The following IL12RB2 variants were observed in gnomAD, a reference collection of about 807,000 sequenced individuals.
IL12RB2 encodes interleukin 12 receptor subunit beta 2.
A neutral mutation model predicts 89.4 loss-of-function variants in IL12RB2; 82 were observed. The observed-to-expected ratio is 0.92, with a 90% CI of 0.77 to 1.10. IL12RB2 has a LOEUF of 1.10. IL12RB2 is among the 50% of genes least tolerant of loss of function. IL12RB2 has a pLI of 0.00. For missense variants in IL12RB2, 963 were observed against 1,031.9 expected (o/e 0.93, Z 0.92); for synonymous variants, 368 against 370.1 (o/e 0.99, Z 0.07).
intron 13 of IL12RB2, among the ~76,000 whole-genome samples, chr1:67,374,388 C>G (rs1663712542): frequency 6.6e-6 from 1 of 152,152 alleles, no homozygotes; most frequent in Non-Finnish European, 1.5e-5. Flanking sequence ...ATCTGGAATT[C>G]CTCATGTGAA....
At chr1:67,323,095 G>T (rs1237105207) in intron 4 of IL12RB2, among the ~76,000 whole-genome samples, 1 of 152,188 alleles carries the variant, frequency 6.6e-6, no homozygotes, top group African/African-American at 2.4e-5. Flanking sequence ...AGCTCAATGA[G>T]ACTCTGTCCA....
rs1327590127 is a variant in IL12RB2 at position 67,341,540 on chromosome 1, AAAG to A, written c.1038+2840_1038+2842del. On this transcript the variant is annotated intron_variant, in intron 9 of 16. Coordinates refer to ENST00000674203, the MANE Select transcript of IL12RB2 (RefSeq NM_001374259.2). ...AAAGAAAAAAGAAAGAGAAAGAAAGAAAGAAAGAAAGAAAGAAAGAAAGAAAGA... is the reference window on the plus strand; with the variant it reads ...AAAGAAAAAAGAAAGAGAAAGAAAGAAAAGAAAGAAAGAAAGAAAGAAAGA... Among the ~76,000 whole-genome samples the A allele has an allele frequency of 1.9e-3, 57 of 30,528 alleles. No individual in the cohort carries two copies. The East Asian group carries it at 0.051, about 27-fold the overall frequency. The allele number at this position is 30,528 out of a possible 152,430, so 20.0% of individuals were successfully genotyped here.
intron 6 of IL12RB2, among the ~76,000 whole-genome samples, 158 bp from the exon 7 acceptor site, chr1:67,329,429 T>A (rs923784383): frequency 2.0e-5 from 3 of 152,238 alleles, no homozygotes; most frequent in African/African-American, 7.2e-5. Flanking sequence ...AGTTCTTTCT[T>A]AAAGCCTGGA....
intron 16 of IL12RB2, among the ~76,000 whole-genome samples, chr1:67,394,908 A>G (rs991566615): frequency 2.0e-5 from 3 of 152,188 alleles, no homozygotes; most frequent in Admixed American, 2.0e-4. Context: ...AAGCAGTCTC[A>G]GCCTTTCCTT....
intron 13 of IL12RB2, among the ~76,000 whole-genome samples, chr1:67,378,935 C>T (rs558500986): frequency 2.4e-4 from 36 of 148,890 alleles, no homozygotes; most frequent in African/African-American, 6.2e-4. Context: ...TGGGGGCTCA[C>T]GCCTATAATC....
intron 10 of IL12RB2, among the ~76,000 whole-genome samples, chr1:67,362,572 C>CAAAAA (rs956277979): frequency 7.0e-4 from 30 of 43,108 alleles, no homozygotes; most frequent in South Asian, 2.6e-3. Flanking sequence ...GACTCCGTCT[C>CAAAAA]AAAAAAAAAA....
At chr1:67,381,713 C>T (rs965483804) in intron 14 of IL12RB2, among the ~76,000 whole-genome samples, 2 of 151,316 alleles carry the variant, frequency 1.3e-5, no homozygotes, top group Non-Finnish European at 2.9e-5. Flanking sequence ...TTGCAGTGAG[C>T]CGAGATGGCA....
intron 1 of IL12RB2, among the ~76,000 whole-genome samples, chr1:67,312,938 T>C (rs1655276048): frequency 6.6e-6 from 1 of 152,228 alleles, no homozygotes; most frequent in East Asian, 1.9e-4. Flanking sequence ...GACTATTGAA[T>C]AGAAAGAAGA....
In IL12RB2 at chr1:67,354,283, G is replaced by A. The variant is rs376258067; in HGVS notation, c.1258+3194G>A. Among the ~76,000 whole-genome samples, 7 of 152,266 alleles carry A rather than the reference G, an allele frequency of 4.6e-5. No homozygotes were observed. In the East Asian group the frequency reaches 9.6e-4, roughly 21 times the overall value. ...AGCAGGTGTGCAGGCGTGAGGGTTT[G>A]TTTTAAAGTGAGAGCTGAGCAGGCA... On this transcript the variant is annotated intron_variant, in intron 10 of 16. Coordinates refer to ENST00000674203, the MANE Select transcript of IL12RB2 (RefSeq NM_001374259.2).
Position 67,342,459 on chromosome 1 carries a change from C to T in IL12RB2, c.1038+3756C>T, listed in dbSNP as rs572867620. ...AGAACAACTCCGTGCTGATTGGGTG[C>T]AGCCCCTGGGGGTTGGGGTGGGAGT... On this transcript the variant is annotated intron_variant, in intron 9 of 16. Coordinates refer to ENST00000674203, the MANE Select transcript of IL12RB2 (RefSeq NM_001374259.2). 1.3e-4 allele frequency among the ~76,000 whole-genome samples: 20 copies of T among 152,154 alleles called. No individual in the cohort carries two copies. The South Asian group carries it at 2.5e-3, about 19-fold the overall frequency.
chr1:67,367,940 G>A lies in IL12RB2; in HGVS notation c.1374G>A (p.Trp458Ter). 6.2e-7 allele frequency: 1 copy of A among 1,609,336 alleles called. No homozygotes were observed. The highest frequency in any genetic ancestry group is 8.5e-7 in the Non-Finnish European group (1 of 1,175,578). Residue 458 changes from tryptophan (W) to a stop codon, truncating the protein, a stop_gained, in exon 11 of 17, where the codon TGG becomes TGA. Coordinates refer to ENST00000674203, the MANE Select transcript of IL12RB2 (RefSeq NM_001374259.2). LOFTEE classifies it high-confidence loss of function. ...PSAVQEYVVE[W>*]RELHPGGDTQ... ...CTGTTCAGGAGTACGTGGTGGAATGGAGAGAGCTCCATCCAGGGGGTGACA... is the reference window on the plus strand; with the variant it reads ...CTGTTCAGGAGTACGTGGTGGAATGAAGAGAGCTCCATCCAGGGGGTGACA...
intron 10 of IL12RB2, among the ~76,000 whole-genome samples, chr1:67,362,556 G>C (rs1394235256): frequency 8.3e-6 from 1 of 120,192 alleles, no homozygotes; most frequent in South Asian, 2.8e-4. Flanking sequence ...CTGGGCGACA[G>C]AGCGAGACTC....
Position 67,395,868 on chromosome 1 carries a change from C to A in IL12RB2, c.2368C>A (p.Pro790Thr). 1 of 1,609,098 alleles carries A rather than the reference C, an allele frequency of 6.2e-7. No homozygotes were observed. Among genetic ancestry groups the A allele is most frequent in the South Asian group, 1.1e-5 (1 of 90,816 alleles). ...ENPACPWTVL[P>T]AGDLPTHDGY... The stretch of plus-strand genomic sequence containing the variant: ...CCCAGCCTGTCCCTGGACGGTGCTC[C>A]CAGCAGGTGACCTTCCCACCCATGA... Residue 790 changes from proline (P) to threonine (T), a missense_variant, in exon 17 of 17, where the codon CCA (proline) becomes ACA (threonine). Physicochemically the swap from Pro to Thr is conservative, Grantham distance 38. Transcript: ENST00000674203.
At chr1:67,324,974 G>C (rs571967006) in intron 4 of IL12RB2, among the ~76,000 whole-genome samples, 2 of 152,366 alleles carry the variant, frequency 1.3e-5, no homozygotes, top group South Asian at 2.1e-4. Flanking sequence ...AATAGATGTT[G>C]AATCAGAGAG....
At chr1:67,329,997 T>G (rs780478454) in intron 7 of IL12RB2, among the ~76,000 whole-genome samples, 48 of 152,178 alleles carry the variant, frequency 3.2e-4, no homozygotes, top group Non-Finnish European at 5.9e-4. Flanking sequence ...TTCTCCTTAT[T>G]ATTTACCCTG....
At chr1:67,339,361 C>T (rs1385685763) in intron 9 of IL12RB2, among the ~76,000 whole-genome samples, 2 of 152,060 alleles carry the variant, frequency 1.3e-5, no homozygotes, top group African/African-American at 2.4e-5. Context: ...GTGGCATGCG[C>T]CTGTAATCCC....
Position 67,321,895 on chromosome 1 carries a change from C to A in IL12RB2, c.364+6C>A. ...AGCAGAGATCTTCGTTGGTGGTGAG[C>A]ATTCCATTTTGAATTTTTAAAACTT... On this transcript the variant is annotated splice_donor_region_variant and intron_variant, in intron 4 of 16. Transcript: ENST00000674203. 1 of 1,611,398 alleles carries A rather than the reference C, an allele frequency of 6.2e-7. No homozygotes were observed.
At chr1:67,374,682 G>T (rs566659746) in intron 13 of IL12RB2, among the ~76,000 whole-genome samples, 1 of 150,938 alleles carries the variant, frequency 6.6e-6, no homozygotes, top group Non-Finnish European at 1.5e-5. Flanking sequence ...CACCATGTTG[G>T]CCAGGCTGGT....
At chr1:67,338,863 G>A (rs1659188255) in intron 9 of IL12RB2, 160 bp downstream of exon 9, 2 of 662,220 alleles carry the variant, frequency 3.0e-6, no homozygotes, top group Non-Finnish European at 5.6e-6. Flanking sequence ...TTGGTGGATA[G>A]GGGTGAGAGC....
Sources: gnomAD v4.1 joint callset for allele counts (sites outside exome capture counted in the v4.1 genomes callset) on GRCh38, gnomAD v4.1.1 for gene constraint, MANE v1.5 for transcripts, NCBI Gene and HGNC (gene_info 2026-07-23, HGNC 2026-07-21) for gene names.